STAB2: variants seen among roughly 807,000 people sequenced by gnomAD.
The protein encoded by STAB2 is stabilin-2.
A neutral mutation model predicts 338.1 loss-of-function variants in STAB2; 288 were observed. The ratio of observed to expected loss-of-function variants is 0.85; its 90% CI spans 0.77 to 0.94. STAB2 has a LOEUF of 0.94. STAB2 is among the 40% of genes least tolerant of loss of function. The pLI is 0.00. For synonymous variants in STAB2, 1,202 were observed against 1,193.3 expected (o/e 1.01, Z -0.15); for missense variants, 3,141 against 3,210.1 (o/e 0.98, Z 0.52).
At position 103,688,217 on chromosome 12, in the gene STAB2, T is replaced by G; in HGVS notation, c.3045+2T>G. On this transcript the variant is annotated splice_donor_variant, in intron 28 of 68. Transcript: ENST00000388887. LOFTEE classifies it high-confidence loss of function. ...GCTATATTTAACCGATGGATAAATG[T>G]GAGTACCTTTATTGGGACTTAGGAT... 6.2e-7 allele frequency: 1 copy of G among 1,613,536 alleles called. No individual in the cohort carries two copies. Among genetic ancestry groups the G allele is most frequent in the Non-Finnish European group, 8.5e-7 (1 of 1,179,438 alleles).
chr12:103,657,647 C>T (rs1264571314), intron 15 of STAB2: 2 of 152,234 alleles, frequency 1.3e-5, no homozygotes, highest in African/African-American at 4.8e-5. Flanking sequence ...TCCTGGCTCT[C>T]AATCTTGTTT....
chr12:103,735,697 T>A, intron 52 of STAB2, 117 bp downstream of exon 52: 1 of 795,530 alleles, frequency 1.3e-6, no homozygotes. Flanking sequence ...CATAGCGGGC[T>A]CATTTTTTTT....
chr12:103,704,848 A>C, intron 36 of STAB2: 3 of 408,972 alleles, frequency 7.3e-6, no homozygotes. Context: ...ACAGGACAGA[A>C]ATTTTTTATG....
chr12:103,640,402 G>C, intron 9 of STAB2, 146 bp downstream of exon 9: 2 of 982,254 alleles, frequency 2.0e-6, no homozygotes, highest in East Asian at 5.0e-5. Context: ...AAGGATTGTA[G>C]TAGGTACTCA....
intron 3 of STAB2, among the ~76,000 whole-genome samples, chr12:103,600,268 T>C (rs565666227): frequency 5.3e-5 from 8 of 152,364 alleles, no homozygotes; most frequent in Non-Finnish European, 1.0e-4. Flanking sequence ...TTCTCATGAT[T>C]GTCTGCCTTT....
At chr12:103,682,376 G>T (rs1876999453) in intron 25 of STAB2, among the ~76,000 whole-genome samples, 1 of 152,154 alleles carries the variant, frequency 6.6e-6, no homozygotes, top group African/African-American at 2.4e-5. Flanking sequence ...CCCTCAGCTG[G>T]GACTAGTTGG....
At chr12:103,608,076 A>G (rs1272955878) in intron 3 of STAB2, among the ~76,000 whole-genome samples, 1 of 152,152 alleles carries the variant, frequency 6.6e-6, no homozygotes, top group Non-Finnish European at 1.5e-5. Flanking sequence ...AATGATCGCC[A>G]TTCTAACTGG....
At chr12:103,707,703 C>T (rs1373883988) in intron 38 of STAB2, among the ~76,000 whole-genome samples, 3 of 152,194 alleles carry the variant, frequency 2.0e-5, no homozygotes, top group Non-Finnish European at 2.9e-5. Context: ...CCTAACAAAG[C>T]ATTATTCTAC....
intron 9 of STAB2, 37 bp downstream of exon 9, chr12:103,640,293 TG>T (rs752007498): frequency 1.3e-6 from 2 of 1,590,550 alleles, no homozygotes; most frequent in South Asian, 2.3e-5. Context: ...CATTTCCAAG[TG>T]GTGAAAATGG....
intron 33 of STAB2, among the ~76,000 whole-genome samples, chr12:103,697,468 CA>C (rs1369047840): frequency 6.6e-6 from 1 of 152,192 alleles, no homozygotes; most frequent in Non-Finnish European, 1.5e-5. Flanking sequence ...TCTGCCTTCC[CA>C]AAAAGTCCTA....
Position 103,717,787 on chromosome 12 carries a change from G to T in STAB2, c.4629G>T (p.Leu1543Phe), listed in dbSNP as rs774339111. 6.2e-7 allele frequency: 1 copy of T among 1,614,096 alleles called. No individual in the cohort carries two copies. The highest frequency in any genetic ancestry group is 2.2e-5 in the East Asian group (1 of 44,886). ...CTGGACAGGCTGCCTGTAACTGTTT[G>T]CCAGCATACACTGGAGATGGAAAGG... is the stretch of plus-strand genomic sequence containing the variant. ...TGPNQAACNC[L>F]PAYTGDGKVC... The change falls in exon 44 of 69, where the codon TTG becomes TTT. Residue 1543 changes from leucine (L) to phenylalanine (F), a missense_variant. Coordinates refer to ENST00000388887, the MANE Select transcript of STAB2 (RefSeq NM_017564.10).
In STAB2 at chr12:103,730,162, T is replaced by C. The variant is rs780549596; in HGVS notation, c.5129T>C (p.Ile1710Thr). ...AAGGCTAAGATCATATCCAGTGATATCATCAGTACTAATGGGATTGTTCAT... is the reference window on the plus strand; with the variant it reads ...AAGGCTAAGATCATATCCAGTGATACCATCAGTACTAATGGGATTGTTCAT... ...NNKAKIISSD[I>T]ISTNGIVHII... is the part of the protein sequence containing the mutation. Residue 1710 changes from isoleucine (I) to threonine (T), a missense_variant, in exon 49 of 69, where the codon ATC becomes ACC. Transcript: ENST00000388887. 49 of 1,612,840 alleles carry C rather than the reference T, an allele frequency of 3.0e-5. No homozygotes were observed. The highest frequency in any genetic ancestry group is 3.3e-4 in the Middle Eastern group (2 of 6,072).
At chr12:103,683,884 T>C (rs1193476530) in intron 26 of STAB2, among the ~76,000 whole-genome samples, 1 of 152,186 alleles carries the variant, frequency 6.6e-6, no homozygotes, top group Non-Finnish European at 1.5e-5. Flanking sequence ...CAATGAAGTC[T>C]GATGCCTTAA....
At chr12:103,705,511 C>G (rs1387812614) in intron 36 of STAB2, 121 bp from the exon 37 acceptor site, 1 of 753,462 alleles carries the variant, frequency 1.3e-6, no homozygotes, top group African/African-American at 1.8e-5. Context: ...CAAGCCACCA[C>G]CTTCTCTTCC....
intron 3 of STAB2, among the ~76,000 whole-genome samples, chr12:103,617,651 T>A (rs771138540): frequency 6.6e-6 from 1 of 152,234 alleles, no homozygotes; most frequent in Non-Finnish European, 1.5e-5. Flanking sequence ...ACTAGCCTAG[T>A]TGGTGAGAGC....
chr12:103,718,915 G>T (rs1477905534), intron 44 of STAB2, among the ~76,000 whole-genome samples: 1 of 152,150 alleles, frequency 6.6e-6, no homozygotes, highest in Non-Finnish European at 1.5e-5. Context: ...TCTGGGCTTT[G>T]ACTTTCTTCC....
In STAB2 at chr12:103,755,361, A is replaced by G. The variant is rs1460496200; in HGVS notation, c.6774A>G (p.Thr2258=). The change falls in exon 62 of 69, where the codon ACA becomes ACG. Residue 2258 remains threonine, a synonymous_variant. Coordinates refer to ENST00000388887, the MANE Select transcript of STAB2 (RefSeq NM_017564.10). Reference sequence around the variant, plus strand: ...AGACCGGGCGGGTTGCCTACCCCACAGCCTTCGCCTCCCAGAACTGTGGCT... The same window carrying G: ...AGACCGGGCGGGTTGCCTACCCCACGGCCTTCGCCTCCCAGAACTGTGGCT... ...WLETGRVAYP[T]AFASQNCGSG... 1 of 1,614,148 alleles carries G rather than the reference A, an allele frequency of 6.2e-7. No homozygotes were observed.
intron 52 of STAB2, among the ~76,000 whole-genome samples, chr12:103,737,381 C>A (rs1446356796): frequency 6.6e-6 from 1 of 152,088 alleles, no homozygotes; most frequent in Non-Finnish European, 1.5e-5. Context: ...CATAGAGACA[C>A]CTTGGATTTT....
chr12:103,760,213 T>A (rs1884436130), intron 65 of STAB2, among the ~76,000 whole-genome samples: 1 of 152,178 alleles, frequency 6.6e-6, no homozygotes, highest in South Asian at 2.1e-4. Flanking sequence ...GTTTCTCAAG[T>A]GACTTCTGCT....
Sources: allele counts gnomAD v4.1 joint callset (sites outside exome capture counted in the v4.1 genomes callset), GRCh38; gene constraint gnomAD v4.1.1; transcripts MANE v1.5; gene names NCBI Gene and HGNC (gene_info 2026-07-23, HGNC 2026-07-21).